Variants in FGF17 observed in about 807,000 individuals in gnomAD.
FGF17 encodes the protein fibroblast growth factor 17.
Under a neutral mutation model 23.5 loss-of-function variants are expected in FGF17, and 5 were observed. That is an observed-to-expected ratio of 0.21 (90% CI 0.11 to 0.45). FGF17 has a LOEUF of 0.45. Ranked by LOEUF, FGF17 falls within the 20% of genes least tolerant of loss-of-function variation. FGF17 has a pLI of 0.99. For synonymous variants in FGF17, 136 were observed against 123.0 expected, an observed-to-expected ratio of 1.11 and a Z score of -0.70; for missense variants, 221 against 306.9, an observed-to-expected ratio of 0.72 and a Z score of 2.09.
upstream of FGF17, among the ~76,000 whole-genome samples, chr8:22,041,320 G>A (rs1355804236): frequency 6.6e-6 from 1 of 152,188 alleles, no homozygotes; most frequent in Non-Finnish European, 1.5e-5. Flanking sequence ...CCACTTTGTG[G>A]ATTGATGGAG....
At chr8:22,047,379 C>T (rs895938062) in intron 4 of FGF17, among the ~76,000 whole-genome samples, 4 of 152,172 alleles carry the variant, frequency 2.6e-5, no homozygotes, top group Admixed American at 6.5e-5. Flanking sequence ...CACGGTAGGC[C>T]GGGCCCTGCT....
intron 4 of FGF17, 88 bp from the exon 5 acceptor site, chr8:22,047,868 C>T: frequency 7.4e-7 from 1 of 1,353,546 alleles, no homozygotes; most frequent in Non-Finnish European, 1.0e-6. Flanking sequence ...CGTTGTCCCT[C>T]CTCAGTCGTC....
chr8:22,047,645 A>T (rs1013488213), intron 4 of FGF17, among the ~76,000 whole-genome samples: 1 of 152,196 alleles, frequency 6.6e-6, no homozygotes, highest in African/African-American at 2.4e-5. Flanking sequence ...TGAGCATTTC[A>T]GTGCTAAGGG....
intron 2 of FGF17, 62 bp from the exon 3 acceptor site, chr8:22,046,052 T>C: frequency 6.2e-7 from 1 of 1,613,570 alleles, no homozygotes; most frequent in African/African-American, 1.3e-5. Flanking sequence ...CTCCCTTGGA[T>C]GGACCAGTGG....
rs1267752994 is a variant in FGF17, at chr8:22,048,360, C to T, written c.*111C>T. Reference sequence around the variant, plus strand: ...GGGGAGCCAGATCCCCGAGGGAGGACCCTGAGGGCCGCGAAGCATCCGAGC... The same window carrying T: ...GGGGAGCCAGATCCCCGAGGGAGGATCCTGAGGGCCGCGAAGCATCCGAGC... On this transcript the variant is annotated 3_prime_UTR_variant, in exon 5 of 5. Coordinates refer to ENST00000359441, the MANE Select transcript of FGF17 (RefSeq NM_003867.4). This position sits in a 1 kb window ranked among gnomAD's most constrained non-coding sequence, Gnocchi z 6.9. The T allele has an allele frequency of 5.0e-6, 5 of 992,940 alleles. No homozygotes were observed. Among genetic ancestry groups the T allele is most frequent in the Non-Finnish European group, 7.2e-6 (5 of 692,364 alleles). The allele number at this position is 992,940 out of a possible 1,614,324, so 61.5% of individuals were successfully genotyped here.
Position 22,042,946 on chromosome 8 carries a change from G to A in FGF17, c.18G>A (p.Leu6=), listed in dbSNP as rs1386051176. MGAAR[L]LPNLTLCLQL... Reference sequence around the variant, plus strand: ...CTCCAGCGATGGGAGCCGCCCGCCTGCTGCCCAACCTCACTCTGTAAGTGT... The same window carrying A: ...CTCCAGCGATGGGAGCCGCCCGCCTACTGCCCAACCTCACTCTGTAAGTGT... Residue 6 remains leucine (L), a synonymous_variant, in exon 1 of 5, where the codon CTG becomes CTA. Transcript: ENST00000359441. 1 of 1,613,430 alleles carries A rather than the reference G, an allele frequency of 6.2e-7. No individual in the cohort carries two copies. The highest frequency in any genetic ancestry group is 1.7e-5 in the Admixed American group (1 of 59,956).
intron 2 of FGF17, chr8:22,045,426 C>A: frequency 3.0e-6 from 3 of 990,878 alleles, no homozygotes; most frequent in Non-Finnish European, 3.6e-6. Context: ...CCAGCCCCAG[C>A]TCCAGCCCAT....
At chr8:22,046,677 G>T (rs1203615636) in intron 4 of FGF17, 44 bp downstream of exon 4, 1 of 1,386,390 alleles carries the variant, frequency 7.2e-7, no homozygotes, top group Non-Finnish European at 1.0e-6. Flanking sequence ...CAGCCCTACT[G>T]GGGTGGGGAC....
intron 2 of FGF17, among the ~76,000 whole-genome samples, chr8:22,043,576 G>A (rs867716305): frequency 2.0e-5 from 3 of 152,104 alleles, no homozygotes; most frequent in South Asian, 4.1e-4. Context: ...TGTCCTTCTC[G>A]CCACCCCACT....
intron 4 of FGF17, 49 bp downstream of exon 4, chr8:22,046,682 G>T (rs932631384): frequency 7.5e-7 from 1 of 1,333,252 alleles, no homozygotes; most frequent in Non-Finnish European, 1.1e-6. Context: ...CTACTGGGGT[G>T]GGGACATATA....
chr8:22,043,532 T>G (rs1445263986), intron 2 of FGF17, among the ~76,000 whole-genome samples: 1 of 152,164 alleles, frequency 6.6e-6, no homozygotes, highest in Non-Finnish European at 1.5e-5. Flanking sequence ...TGCCAGTACC[T>G]GAAAGGACAG....
chr8:22,046,567 T>C lies in FGF17; in HGVS notation c.291T>C (p.Val97=). 6.2e-7 allele frequency: 1 copy of C among 1,613,922 alleles called. No individual in the cohort carries two copies. Among genetic ancestry groups the C allele is most frequent in the Non-Finnish European group, 8.5e-7 (1 of 1,179,946 alleles). The change falls in exon 4 of 5, where the codon GTT becomes GTC. Residue 97 remains valine, a synonymous_variant. Transcript: ENST00000359441. ...IVETDTFGSR[V]RIKGAESEKY... ...AGACGGACACGTTTGGCAGCCGGGT[T>C]CGCATCAAAGGGGCTGAGAGTGAGA...
upstream of FGF17, chr8:22,042,531 C>G (rs762699459): frequency 6.5e-5 from 20 of 309,620 alleles, no homozygotes; most frequent in Admixed American, 1.4e-4. Context: ...TTGTCTGCGT[C>G]GAGTTTGGCC....
At chr8:22,040,178 G>A (rs1345255625), upstream of FGF17, among the ~76,000 whole-genome samples, 1 of 152,216 alleles carries the variant, frequency 6.6e-6, no homozygotes, top group African/African-American at 2.4e-5. Context: ...CCATTCTTGT[G>A]GCACTTGATG....
upstream of FGF17, among the ~76,000 whole-genome samples, chr8:22,039,972 G>A (rs1800714650): frequency 6.6e-6 from 1 of 152,094 alleles, no homozygotes; most frequent in South Asian, 2.1e-4. Context: ...TTGGCACTAT[G>A]GGGTGAGGAT....
At chr8:22,042,704 G>A (rs1800758570), upstream of FGF17, 2 of 608,168 alleles carry the variant, frequency 3.3e-6, no homozygotes, top group Non-Finnish European at 5.8e-6. Flanking sequence ...TCACTGGCCA[G>A]GAAGGTGGAC....
At position 22,046,674 on chromosome 8, in the gene FGF17, A is replaced by G. The variant is rs145470556; in HGVS notation, c.357+41A>G. On this transcript the variant is annotated intron_variant, in intron 4 of 4. Coordinates refer to ENST00000359441, the MANE Select transcript of FGF17 (RefSeq NM_003867.4). Reference sequence around the variant, plus strand: ...TGGGAAGTAACAGAGAATCAGCCCTACTGGGGTGGGGACATATAGGGCATC... The same window carrying G: ...TGGGAAGTAACAGAGAATCAGCCCTGCTGGGGTGGGGACATATAGGGCATC... 238 of 1,420,564 alleles carry G rather than the reference A, an allele frequency of 1.7e-4. No homozygotes were observed. The Middle Eastern group carries it at 1.8e-3, about 10-fold the overall frequency. The allele number at this position is 1,420,564 out of a possible 1,614,324, so 88.0% of individuals were successfully genotyped here.
upstream of FGF17, chr8:22,042,302 G>A (rs1471709330): frequency 6.4e-6 from 1 of 157,130 alleles, no homozygotes; most frequent in African/African-American, 2.4e-5. Flanking sequence ...CTCCTTCCCG[G>A]GCAATCAGCT....
At position 22,046,116 on chromosome 8, in the gene FGF17, G is replaced by A. The variant is rs1800860088; in HGVS notation, c.75G>A (p.Gly25=). ...QLLILCCQTQ[G]ENHPSPNFNQ... ...TTTTTCCCTTGGTAACCGCAAAGGGGGAGAATCACCCGTCTCCTAATTTTA... is the reference window on the plus strand; with the variant it reads ...TTTTTCCCTTGGTAACCGCAAAGGGAGAGAATCACCCGTCTCCTAATTTTA... Residue 25 remains glycine (G), a splice_region_variant and synonymous_variant, in exon 3 of 5, where the codon GGG becomes GGA. Transcript: ENST00000359441. 6.2e-7 allele frequency: 1 copy of A among 1,614,140 alleles called. No homozygotes were observed. Among genetic ancestry groups the A allele is most frequent in the South Asian group, 1.1e-5 (1 of 91,092 alleles).
Sources: gnomAD v4.1 joint callset for allele counts (sites outside exome capture counted in the v4.1 genomes callset) on GRCh38, gnomAD v4.1.1 for gene constraint, Gnocchi (gnomAD v3.1) non-coding constraint, MANE v1.5 for transcripts, NCBI Gene and HGNC (gene_info 2026-07-23, HGNC 2026-07-21) for gene names.